NDRG4: variants seen among roughly 807,000 people sequenced by gnomAD.
The protein encoded by NDRG4 is NDRG family member 4, also known as protein NDRG4.
A neutral mutation model predicts 55.8 loss-of-function variants in NDRG4; 38 were observed. The observed-to-expected ratio is 0.68, with a 90% CI of 0.53 to 0.89. The LOEUF (loss-of-function observed/expected upper bound fraction) is 0.89. Ranked by LOEUF, NDRG4 falls within the 40% of genes least tolerant of loss-of-function variation. The pLI is 0.00. For missense variants in NDRG4, 455 were observed against 468.6 expected (o/e 0.97, Z 0.27); for synonymous variants, 190 against 182.7 (o/e 1.04, Z -0.32).
At chr16:58,501,819 C>T in intron 1 of NDRG4, 11 of 364,560 alleles carry the variant, frequency 3.0e-5, no homozygotes, top group South Asian at 2.2e-4. Context: ...GGGGCCTCCT[C>T]AGCAGCAGAG....
chr16:58,498,149 G>A (rs564718442), upstream of NDRG4, among the ~76,000 whole-genome samples: 8 of 152,252 alleles, frequency 5.3e-5, no homozygotes, highest in East Asian at 1.4e-3. Flanking sequence ...GTTGGAGTGG[G>A]CGTAGGATTG....
chr16:58,505,208 G>C (rs1028537190), intron 5 of NDRG4, among the ~76,000 whole-genome samples: 11 of 151,956 alleles, frequency 7.2e-5, no homozygotes, highest in Admixed American at 5.9e-4. Context: ...AATTAGCCGG[G>C]CGTAGTGGCG....
intron 1 of NDRG4, chr16:58,500,967 C>T (rs1462846175): frequency 1.6e-6 from 2 of 1,235,592 alleles, no homozygotes; most frequent in East Asian, 6.3e-5. Flanking sequence ...GGAGGGGTTG[C>T]CTGCCTGCCT....
intron 1 of NDRG4, among the ~76,000 whole-genome samples, chr16:58,472,524 G>A (rs1451610965): frequency 2.6e-5 from 4 of 152,158 alleles, no homozygotes; most frequent in Admixed American, 2.6e-4. Flanking sequence ...GGGAGAGGCG[G>A]GATGCTGGCT....
In NDRG4 at chr16:58,468,684, G is replaced by A. The variant is rs200168926; in HGVS notation, c.-24+4887G>A. Among the ~76,000 whole-genome samples the A allele has an allele frequency of 7.2e-5, 11 of 152,282 alleles. No homozygotes were observed. In the East Asian group the frequency reaches 2.1e-3, roughly 29 times the overall value. ...TGCAGTGAGCTGAGATTGCACCACT[G>A]CCCTCCAGCCTGGGCAACAGAGCGA... On this transcript the variant is annotated intron_variant, in intron 1 of 15. Transcript: ENST00000258187.
chr16:58,505,370 A>G (rs970018290), intron 5 of NDRG4, among the ~76,000 whole-genome samples: 1 of 151,808 alleles, frequency 6.6e-6, no homozygotes. Context: ...AAAATAAAAA[A>G]AATCATTGTT....
At chr16:58,482,679 T>TCCTC (rs2034563080) in intron 1 of NDRG4, among the ~76,000 whole-genome samples, 3 of 126,718 alleles carry the variant, frequency 2.4e-5, no homozygotes. Context: ...CTCCCTTCCT[T>TCCTC]CCTCCCTCCC....
intron 5 of NDRG4, among the ~76,000 whole-genome samples, chr16:58,505,364 TA>T (rs200722565): frequency 1.1e-5 from 1 of 92,126 alleles, no homozygotes; most frequent in East Asian, 2.9e-4. Flanking sequence ...AATAAAAAAA[TA>T]AAAAAAATCA....
intron 1 of NDRG4, among the ~76,000 whole-genome samples, chr16:58,470,818 G>A (rs1462062628): frequency 2.7e-5 from 4 of 148,950 alleles, no homozygotes; most frequent in African/African-American, 7.4e-5. Flanking sequence ...GAGGCAGGAG[G>A]ATCGCTTGAA....
intron 5 of NDRG4, 192 bp from the exon 6 acceptor site, chr16:58,506,195 C>A (rs557523064): frequency 6.1e-6 from 4 of 655,798 alleles, no homozygotes; most frequent in African/African-American, 3.9e-5. Flanking sequence ...GATAGAGATT[C>A]TAAATAAATC....
Position 58,464,460 on chromosome 16 carries a change from G to T in NDRG4, c.-24+663G>T. 7.5e-7 allele frequency: 1 copy of T among 1,338,120 alleles called. No individual in the cohort carries two copies. Among genetic ancestry groups the T allele is most frequent in the Non-Finnish European group, 9.6e-7 (1 of 1,044,412 alleles). 82.9% of individuals were successfully genotyped at this position (1,338,120 alleles called of 1,614,324 possible). The stretch of plus-strand genomic sequence containing the variant: ...AGGTGCTGGGACACCGGCTGGAGCT[G>T]CTCACAGGTACCGCCCGCCTGCCCC... On this transcript the variant is annotated intron_variant, in intron 1 of 15. Transcript: ENST00000258187. This position sits in a 1 kb window ranked among gnomAD's most constrained non-coding sequence, Gnocchi z 4.8.
At chr16:58,509,231 G>A (rs752355050) in intron 12 of NDRG4, 42 bp downstream of exon 12, 146 of 1,613,852 alleles carry the variant, frequency 9.0e-5, no homozygotes, top group Non-Finnish European at 1.2e-4. Flanking sequence ...TATGGGGAGG[G>A]GGAAGCCTCT....
intron 3 of NDRG4, chr16:58,495,020 C>T (rs749161499): frequency 6.8e-6 from 11 of 1,612,782 alleles, no homozygotes; most frequent in Non-Finnish European, 9.3e-6. Context: ...TAGGTCAAGG[C>T]TCAGACCCCC....
intron 1 of NDRG4, among the ~76,000 whole-genome samples, chr16:58,471,900 T>TGA (rs1017869991): frequency 6.6e-6 from 1 of 151,920 alleles, no homozygotes; most frequent in East Asian, 1.9e-4. Context: ...TGTGTGTGTG[T>TGA]GAGAGAGAGC....
chr16:58,471,207 T>TA (rs56777050), intron 1 of NDRG4, among the ~76,000 whole-genome samples: 6 of 132,388 alleles, frequency 4.5e-5, no homozygotes, highest in South Asian at 2.5e-4. Flanking sequence ...TTTTTTTTTT[T>TA]TTTTTGGAGA....
At position 58,464,418 on chromosome 16, in the gene NDRG4, G is replaced by A. The variant is rs1468611306; in HGVS notation, c.-24+621G>A. The A allele has an allele frequency of 6.6e-6, 9 of 1,367,954 alleles. No homozygotes were observed. The highest frequency in any genetic ancestry group is 7.5e-6 in the Non-Finnish European group (8 of 1,063,562). The allele number at this position is 1,367,954 out of a possible 1,614,324, so 84.7% of individuals were successfully genotyped here. A position where few individuals can be genotyped will look rare whatever the true frequency, so the allele number is the denominator to read the frequency against. ...ACGCCGCCACCCAGAGCCGGGCCGC[G>A]CCGGGCGCCGAGATGAAGGTGCTGG... On this transcript the variant is annotated intron_variant, in intron 1 of 15. Transcript: ENST00000258187. The surrounding 1 kb of genome is among the most constrained non-coding windows in gnomAD (Gnocchi z 4.8).
rs58522032 is a variant in NDRG4, at chr16:58,480,278, G to A, written c.-23-7478G>A. On this transcript the variant is annotated intron_variant, in intron 1 of 15. Transcript: ENST00000258187. ...TGGGATTACAGGTGCCTGCCACCAC[G>A]CCCGGCTAATTTTTGAATTTTTAGT... Among the ~76,000 whole-genome samples, 1,351 of 152,258 alleles carry A rather than the reference G, an allele frequency of 8.9e-3. 48 individuals are homozygous for A. In the East Asian group the frequency reaches 0.11, roughly 13 times the overall value.
Position 58,509,144 on chromosome 16 carries a change from T to C in NDRG4, c.778-10T>C, listed in dbSNP as rs778317091. On this transcript the variant is annotated splice_polypyrimidine_tract_variant and intron_variant, in intron 11 of 14. Transcript: ENST00000570248. Reference sequence around the variant, plus strand: ...GCCCTGCTCAGGTCACCCCACTCTCTCCCTTGCAGATGGCAGACTCTGGAG... The same window carrying C: ...GCCCTGCTCAGGTCACCCCACTCTCCCCCTTGCAGATGGCAGACTCTGGAG... 3.1e-6 allele frequency: 5 copies of C among 1,613,846 alleles called. No individual in the cohort carries two copies. Among genetic ancestry groups the C allele is most frequent in the African/African-American group, 1.3e-5 (1 of 74,916 alleles).
intron 2 of NDRG4, chr16:58,487,924 CT>C: frequency 8.4e-7 from 1 of 1,192,182 alleles, no homozygotes; most frequent in Non-Finnish European, 1.1e-6. Flanking sequence ...GACCGCGTGC[CT>C]TTCCTGCAGC....
Sources: allele counts gnomAD v4.1 joint callset (sites outside exome capture counted in the v4.1 genomes callset), GRCh38; gene constraint gnomAD v4.1.1; non-coding constraint Gnocchi (gnomAD v3.1); transcripts MANE v1.5; gene names NCBI Gene and HGNC (gene_info 2026-07-23, HGNC 2026-07-21).